Variants in ASAP1 observed in about 807,000 individuals in gnomAD.
The protein encoded by ASAP1 is ArfGAP with SH3 domain, ankyrin repeat and PH domain 1.
ASAP1 carries 43 observed loss-of-function variants against 145.2 expected under a neutral mutation model. That is an observed-to-expected ratio of 0.30 (90% CI 0.23 to 0.38). The LOEUF (loss-of-function observed/expected upper bound fraction) is 0.38. Ranked by LOEUF, ASAP1 falls within the 10% of genes least tolerant of loss-of-function variation. The pLI is 1.00. For missense variants in ASAP1, 1,018 were observed against 1,355.3 expected, an observed-to-expected ratio of 0.75 and a Z score of 3.91; for synonymous variants, 546 against 515.5, an observed-to-expected ratio of 1.06 and a Z score of -0.80.
chr8:130,305,770 T>C (rs1379992810), intron 3 of ASAP1, among the ~76,000 whole-genome samples: 3 of 152,116 alleles, frequency 2.0e-5, no homozygotes, highest in East Asian at 1.9e-4. Flanking sequence ...AAGTCAGAAA[T>C]AGAAAGTGAT....
intron 7 of ASAP1, among the ~76,000 whole-genome samples, chr8:130,185,802 G>A (rs1311397829): frequency 6.7e-6 from 1 of 150,146 alleles, no homozygotes; most frequent in Non-Finnish European, 1.5e-5. Flanking sequence ...TGTTGAGTGA[G>A]AAGTACAAGG....
At chr8:130,399,624 A>T (rs1203760687) in intron 2 of ASAP1, among the ~76,000 whole-genome samples, 1 of 152,136 alleles carries the variant, frequency 6.6e-6, no homozygotes, top group Non-Finnish European at 1.5e-5. Flanking sequence ...CATTCAGGAC[A>T]CATTTGCTTA....
intron 15 of ASAP1, among the ~76,000 whole-genome samples, chr8:130,129,443 A>C (rs1303889825): frequency 6.6e-6 from 1 of 152,252 alleles, no homozygotes; most frequent in African/African-American, 2.4e-5. Flanking sequence ...TTTCAAAACT[A>C]TAATGAACTT....
intron 3 of ASAP1, among the ~76,000 whole-genome samples, chr8:130,310,059 A>G (rs574666093): frequency 6.9e-6 from 1 of 144,850 alleles, no homozygotes; most frequent in South Asian, 2.2e-4. Context: ...TACATTAACC[A>G]TACCGACCTG....
At chr8:130,246,068 C>T (rs1262752221) in intron 3 of ASAP1, among the ~76,000 whole-genome samples, 2 of 152,126 alleles carry the variant, frequency 1.3e-5, no homozygotes, top group Admixed American at 6.5e-5. Flanking sequence ...ATGAAGCACA[C>T]TCCTCTCAAT....
At chr8:130,297,131 C>T (rs1822332165) in intron 3 of ASAP1, among the ~76,000 whole-genome samples, 1 of 152,172 alleles carries the variant, frequency 6.6e-6, no homozygotes, top group African/African-American at 2.4e-5. Flanking sequence ...CTAATTTAAG[C>T]ATAGTTACCA....
At position 130,443,441 on chromosome 8, in the gene ASAP1, C is replaced by T. The variant is rs1830563874; in HGVS notation, c.-28+19G>A. 1 of 151,116 alleles carries T rather than the reference C, an allele frequency of 6.6e-6. No individual in the cohort carries two copies. Among genetic ancestry groups the T allele is most frequent in the African/African-American group, 2.4e-5 (1 of 41,464 alleles). 9.4% of individuals were successfully genotyped at this position (151,116 alleles called of 1,614,324 possible). On this transcript the variant is annotated intron_variant, in intron 1 of 29. Coordinates refer to ENST00000518721, the MANE Select transcript of ASAP1 (RefSeq NM_018482.4). Reference sequence around the variant, plus strand: ...TCCGCCCGGCCCCGCCGAGCGCGCCCGAGCGCCCCGCAACTCACCGGGACC... The same window carrying T: ...TCCGCCCGGCCCCGCCGAGCGCGCCTGAGCGCCCCGCAACTCACCGGGACC...
intron 11 of ASAP1, among the ~76,000 whole-genome samples, chr8:130,163,634 C>A (rs1166692837): frequency 1.3e-5 from 2 of 152,130 alleles, no homozygotes; most frequent in Non-Finnish European, 2.9e-5. Flanking sequence ...GCAGGGCACT[C>A]TAGACAAATG....
intron 3 of ASAP1, among the ~76,000 whole-genome samples, chr8:130,349,808 T>C (rs1009447816): frequency 6.6e-6 from 1 of 152,216 alleles, no homozygotes; most frequent in Admixed American, 6.5e-5. Flanking sequence ...GTGCCTCCCA[T>C]GCATTGCCTC....
At chr8:130,191,459 G>T (rs1815135837) in intron 5 of ASAP1, among the ~76,000 whole-genome samples, 1 of 152,166 alleles carries the variant, frequency 6.6e-6, no homozygotes, top group African/African-American at 2.4e-5. Context: ...TATCTACTCT[G>T]TGCCACACAC....
At chr8:130,295,002 A>G (rs1033266833) in intron 3 of ASAP1, among the ~76,000 whole-genome samples, 10 of 152,214 alleles carry the variant, frequency 6.6e-5, no homozygotes, top group Admixed American at 2.6e-4. Flanking sequence ...AGTGGTTCAC[A>G]TCTGTAATCC....
At chr8:130,219,548 CA>C (rs1366750702) in intron 4 of ASAP1, among the ~76,000 whole-genome samples, 1 of 152,144 alleles carries the variant, frequency 6.6e-6, no homozygotes, top group African/African-American at 2.4e-5. Context: ...ATGGCCCACT[CA>C]CTTCAAGAGG....
chr8:130,146,164 T>G (rs1381848959), intron 13 of ASAP1, among the ~76,000 whole-genome samples: 1 of 152,042 alleles, frequency 6.6e-6, no homozygotes, highest in Non-Finnish European at 1.5e-5. Context: ...AGAACTCTAT[T>G]ATTTCTTATA....
At chr8:130,162,489 G>C (rs1156515130) in intron 11 of ASAP1, among the ~76,000 whole-genome samples, 2 of 152,130 alleles carry the variant, frequency 1.3e-5, no homozygotes, top group African/African-American at 2.4e-5. Flanking sequence ...TGAATTTGGA[G>C]TCAGGGATCT....
At chr8:130,113,101 G>A (rs2097549357) in intron 23 of ASAP1, among the ~76,000 whole-genome samples, 1 of 152,130 alleles carries the variant, frequency 6.6e-6, no homozygotes, top group South Asian at 2.1e-4. Flanking sequence ...AGAGCTGGTG[G>A]GAAACCTTGC....
intron 3 of ASAP1, among the ~76,000 whole-genome samples, chr8:130,248,972 T>C (rs1819029047): frequency 6.6e-6 from 1 of 152,188 alleles, no homozygotes; most frequent in African/African-American, 2.4e-5. Context: ...ACTATGTTAA[T>C]AGGCTAGATT....
intron 9 of ASAP1, among the ~76,000 whole-genome samples, chr8:130,174,294 G>A (rs1405417182): frequency 6.6e-6 from 1 of 152,122 alleles, no homozygotes; most frequent in Non-Finnish European, 1.5e-5. Flanking sequence ...GTTGTTAGCT[G>A]GAAAGTGAAG....
At chr8:130,197,508 A>T (rs575496495) in intron 5 of ASAP1, among the ~76,000 whole-genome samples, 1 of 152,250 alleles carries the variant, frequency 6.6e-6, no homozygotes, top group African/African-American at 2.4e-5. Flanking sequence ...CAGGCCACAG[A>T]GGTGGCTCGT....
At chr8:130,419,634 G>C (rs1351799120) in intron 1 of ASAP1, among the ~76,000 whole-genome samples, 1 of 151,992 alleles carries the variant, frequency 6.6e-6, no homozygotes, top group East Asian at 1.9e-4. Context: ...TTGACCTCAG[G>C]GACTAGTGCA....
Sources: gnomAD v4.1 joint callset for allele counts (sites outside exome capture counted in the v4.1 genomes callset) on GRCh38, gnomAD v4.1.1 for gene constraint, MANE v1.5 for transcripts, NCBI Gene and HGNC (gene_info 2026-07-23, HGNC 2026-07-21) for gene names.